Variants in CELF2 observed in about 807,000 individuals in gnomAD.
CELF2 encodes the protein CUGBP Elav-like family member 2.
A neutral mutation model predicts 62.6 loss-of-function variants in CELF2; 8 were observed. The observed-to-expected ratio is 0.13, with a 90% CI of 0.07 to 0.23. CELF2 has a LOEUF of 0.23. Ranked by LOEUF, CELF2 falls within the 10% of genes least tolerant of loss-of-function variation. CELF2 has a pLI of 1.00. For missense variants in CELF2, 333 were observed against 671.0 expected (o/e 0.50, Z 5.56); for synonymous variants, 258 against 250.0 (o/e 1.03, Z -0.30).
At chr10:10,651,673 A>C in the CELF2 span, among the ~76,000 whole-genome samples, 2 of 150,632 alleles carry the variant, frequency 1.3e-5, no homozygotes, top group Admixed American at 6.6e-5. Context: ...GTCTGTTAGA[A>C]GGAAAACTAA....
At chr10:11,238,637 T>G (rs771043842) in intron 3 of CELF2, among the ~76,000 whole-genome samples, 2 of 152,228 alleles carry the variant, frequency 1.3e-5, no homozygotes, top group Non-Finnish European at 2.9e-5. Context: ...TACCTTCTAC[T>G]GAGATGATAG....
rs558196594 is a variant in CELF2, at chr10:10,957,600, G to A, written c.89+37601G>A. Among the ~76,000 whole-genome samples the A allele has an allele frequency of 3.9e-5, 6 of 152,220 alleles. No homozygotes were observed. Among genetic ancestry groups the A allele is most frequent in the African/African-American group, 1.4e-4 (6 of 41,552 alleles). On this transcript the variant is annotated intron_variant, in intron 2 of 13. Coordinates refer to the CELF2 transcript ENST00000636488. This position sits in a 1 kb window ranked among gnomAD's most constrained non-coding sequence, Gnocchi z 4.1. ...AGAGGGCAGAGAGGTCAAAGTCAGT[G>A]GGCAACCTCTTACCTGAAGAACACG... is the stretch of plus-strand genomic sequence containing the variant.
chr10:10,782,156 G>T, the CELF2 span, among the ~76,000 whole-genome samples: 1 of 152,148 alleles, frequency 6.6e-6, no homozygotes, highest in Admixed American at 6.5e-5. Flanking sequence ...GATCCCAAGG[G>T]ACAACTGTAT....
the CELF2 span, among the ~76,000 whole-genome samples, chr10:10,596,569 GCATACAGGAT>G: frequency 6.6e-6 from 1 of 152,176 alleles, no homozygotes; most frequent in Admixed American, 6.5e-5. Context: ...GCATTACAGA[GCATACAGGAT>G]CATAGAGGAT....
chr10:10,923,439 CG>C (rs777563024), intron 2 of CELF2, among the ~76,000 whole-genome samples: 4 of 152,162 alleles, frequency 2.6e-5, no homozygotes, highest in Non-Finnish European at 5.9e-5. Flanking sequence ...TAAAGCACTC[CG>C]GCCACTGGTG....
chr10:10,635,411 A>G, the CELF2 span, among the ~76,000 whole-genome samples: 2 of 152,166 alleles, frequency 1.3e-5, no homozygotes, highest in African/African-American at 2.4e-5. Context: ...CAGTTTATCA[A>G]TTATTTTTCT....
intron 1 of CELF2, among the ~76,000 whole-genome samples, chr10:10,911,079 G>C (rs531312561): frequency 1.3e-5 from 2 of 152,328 alleles, no homozygotes; most frequent in Admixed American, 1.3e-4. Context: ...GTCCAAGACA[G>C]GCCTCCTCTT....
At chr10:10,697,670 G>T in the CELF2 span, among the ~76,000 whole-genome samples, 4 of 152,084 alleles carry the variant, frequency 2.6e-5, no homozygotes, top group African/African-American at 7.2e-5. Flanking sequence ...AAGGACGCTA[G>T]CTCTCTCAGG....
At position 11,306,027 on chromosome 10, in the gene CELF2, G is replaced by A. The variant is rs1187624001; in HGVS notation, c.977-8112G>A. Among the ~76,000 whole-genome samples the A allele has an allele frequency of 6.6e-6, 1 of 152,158 alleles. No homozygotes were observed. Among genetic ancestry groups the A allele is most frequent in the Non-Finnish European group, 1.5e-5 (1 of 68,036 alleles). On this transcript the variant is annotated intron_variant, in intron 9 of 12. Transcript: ENST00000633077. This position sits in a 1 kb window ranked among gnomAD's most constrained non-coding sequence, Gnocchi z 4.4. ...GCTCAACCATTCTCTTTCCTGGCACGCCAGCTGGCCTGAACGTCCGTCGCC... is the reference window on the plus strand; with the variant it reads ...GCTCAACCATTCTCTTTCCTGGCACACCAGCTGGCCTGAACGTCCGTCGCC...
At chr10:11,054,613 G>T (rs1292774953) in intron 1 of CELF2, among the ~76,000 whole-genome samples, 1 of 152,068 alleles carries the variant, frequency 6.6e-6, no homozygotes, top group Non-Finnish European at 1.5e-5. Context: ...ACACTCTGGT[G>T]GACGTGTAGT....
intron 2 of CELF2, among the ~76,000 whole-genome samples, chr10:11,194,611 C>G (rs2056929332): frequency 6.6e-6 from 1 of 152,114 alleles, no homozygotes; most frequent in Non-Finnish European, 1.5e-5. Flanking sequence ...GGCCCGTAGC[C>G]TTGAAATGCA....
chr10:10,560,106 A>G, the CELF2 span, among the ~76,000 whole-genome samples: 1 of 152,122 alleles, frequency 6.6e-6, no homozygotes, highest in African/African-American at 2.4e-5. Flanking sequence ...ATGGCTCTGG[A>G]CAGGCTTCCC....
chr10:11,193,664 A>C (rs532494364), intron 2 of CELF2, among the ~76,000 whole-genome samples: 1 of 152,324 alleles, frequency 6.6e-6, no homozygotes, highest in African/African-American at 2.4e-5. Context: ...GTACAGCAGA[A>C]GGATAGTACC....
the CELF2 span, among the ~76,000 whole-genome samples, chr10:10,563,614 A>C: frequency 6.6e-6 from 1 of 151,732 alleles, no homozygotes; most frequent in African/African-American, 2.4e-5. Flanking sequence ...TCTCAAAAAA[A>C]AAAAAAAAAA....
chr10:10,750,293 A>G, the CELF2 span, among the ~76,000 whole-genome samples: 13 of 152,222 alleles, frequency 8.5e-5, no homozygotes, highest in South Asian at 2.5e-3. Context: ...AGAAAAAAAA[A>G]AAAAAAGAAA....
chr10:10,932,214 C>T (rs1346068693), intron 2 of CELF2, among the ~76,000 whole-genome samples: 2 of 152,156 alleles, frequency 1.3e-5, no homozygotes, highest in East Asian at 3.9e-4. Context: ...CTAAAAAAAT[C>T]CAACTCATAG....
chr10:10,730,796 G>A, the CELF2 span, among the ~76,000 whole-genome samples: 5 of 152,162 alleles, frequency 3.3e-5, no homozygotes, highest in Admixed American at 6.5e-5. Flanking sequence ...TCCAGGCTGG[G>A]CCAGCTCACT....
chr10:11,236,751 A>C (rs1217451464), intron 3 of CELF2, among the ~76,000 whole-genome samples: 1 of 152,224 alleles, frequency 6.6e-6, no homozygotes, highest in African/African-American at 2.4e-5. Context: ...CTTGAAGTAT[A>C]GCTGTTTCTG....
At chr10:11,175,228 C>T (rs997547106) in intron 2 of CELF2, among the ~76,000 whole-genome samples, 4 of 151,946 alleles carry the variant, frequency 2.6e-5, no homozygotes, top group South Asian at 2.1e-4. Context: ...TGGAGGAGTT[C>T]CAAGGGAGAG....
Sources: allele counts gnomAD v4.1 joint callset (sites outside exome capture counted in the v4.1 genomes callset), GRCh38; gene constraint gnomAD v4.1.1; non-coding constraint Gnocchi (gnomAD v3.1); transcripts MANE v1.5; gene names NCBI Gene and HGNC (gene_info 2026-07-23, HGNC 2026-07-21).